The following PARD3B variants were observed in gnomAD, a reference collection of about 807,000 sequenced individuals.
PARD3B encodes par-3 family cell polarity regulator beta.
In PARD3B, 103 loss-of-function variants were observed where a neutral mutation model predicts 130.2. That is an observed-to-expected ratio of 0.79 (90% confidence interval 0.67 to 0.93). The LOEUF (loss-of-function observed/expected upper bound fraction) is 0.93. Ranked by LOEUF, PARD3B falls within the 40% of genes least tolerant of loss-of-function variation. The pLI, the probability that PARD3B is intolerant of heterozygous loss-of-function variation, is 0.00. For synonymous variants in PARD3B, 583 were observed against 553.2 expected (o/e 1.05, Z -0.76); for missense variants, 1,609 against 1,499.2 (o/e 1.07, Z -1.21).
intron 10 of PARD3B, among the ~76,000 whole-genome samples, chr2:205,156,404 A>G (rs951736549): frequency 5.1e-4 from 77 of 152,050 alleles, no homozygotes; most frequent in Non-Finnish European, 1.0e-3. Flanking sequence ...CTAAAACTTA[A>G]AGTATAATAA....
chr2:204,703,868 C>T (rs940935002), intron 2 of PARD3B, among the ~76,000 whole-genome samples: 1 of 152,016 alleles, frequency 6.6e-6, no homozygotes, highest in Non-Finnish European at 1.5e-5. Flanking sequence ...ATGTAGGGCA[C>T]ATTTCTATAA....
At chr2:205,069,540 T>G (rs1334491416) in intron 4 of PARD3B, among the ~76,000 whole-genome samples, 1 of 152,168 alleles carries the variant, frequency 6.6e-6, no homozygotes, top group Admixed American at 6.5e-5. Flanking sequence ...ACTTGTATTC[T>G]TTGCTCATTA....
intron 1 of PARD3B, among the ~76,000 whole-genome samples, chr2:204,672,325 C>T (rs978728529): frequency 6.6e-6 from 1 of 152,154 alleles, no homozygotes; most frequent in African/African-American, 2.4e-5. Context: ...ACAGGCTTTT[C>T]ATATGTCAAC....
chr2:204,865,687 C>A (rs2045382572), intron 2 of PARD3B, among the ~76,000 whole-genome samples: 1 of 152,104 alleles, frequency 6.6e-6, no homozygotes, highest in South Asian at 2.1e-4. Flanking sequence ...GTACAGTGTA[C>A]ACTGCTCAGG....
chr2:204,878,586 A>G (rs950173197), intron 2 of PARD3B, among the ~76,000 whole-genome samples: 17 of 152,208 alleles, frequency 1.1e-4, no homozygotes, highest in African/African-American at 4.1e-4. Flanking sequence ...TTAGTAACAT[A>G]TATATGCCCC....
chr2:205,079,939 C>T (rs536232958), intron 4 of PARD3B, among the ~76,000 whole-genome samples: 87 of 152,212 alleles, frequency 5.7e-4, no homozygotes, highest in Non-Finnish European at 1.0e-3. Flanking sequence ...AACCATTTTC[C>T]AGTAAGTTCA....
intron 2 of PARD3B, among the ~76,000 whole-genome samples, chr2:204,727,446 A>G (rs1267221479): frequency 1.3e-5 from 2 of 152,210 alleles, no homozygotes; most frequent in African/African-American, 2.4e-5. Flanking sequence ...TGGTTTTTCT[A>G]TAATTTTACC....
intron 1 of PARD3B, among the ~76,000 whole-genome samples, chr2:204,621,203 C>T (rs191973057): frequency 4.6e-5 from 7 of 152,144 alleles, no homozygotes; most frequent in Admixed American, 2.0e-4. Flanking sequence ...GCTAAAAAAA[C>T]TGAAAGCTGT....
Position 205,408,130 on chromosome 2 carries a change from T to C in PARD3B, c.2741+7007T>C, listed in dbSNP as rs187781944. Among the ~76,000 whole-genome samples, 403 of 152,326 alleles carry C rather than the reference T, an allele frequency of 2.6e-3. 1 individual carries two copies. Among genetic ancestry groups the C allele is most frequent in the Middle Eastern group, 0.01 (3 of 294 alleles). On this transcript the variant is annotated intron_variant, in intron 19 of 22. Coordinates refer to ENST00000406610, the MANE Select transcript of PARD3B (RefSeq NM_001302769.2). ...GTGTCTGAATTCAAGGTTCTTAGTT[T>C]TCTTTCCTTTTGGGAAGCCTTCCAA...
chr2:205,164,867 A>G (rs2034714762), intron 11 of PARD3B, among the ~76,000 whole-genome samples: 1 of 145,698 alleles, frequency 6.9e-6, no homozygotes, highest in Non-Finnish European at 1.5e-5. Context: ...AGTCACTAGG[A>G]AAATGGACAC....
At chr2:205,135,431 G>C (rs533772903) in intron 10 of PARD3B, among the ~76,000 whole-genome samples, 1 of 152,282 alleles carries the variant, frequency 6.6e-6, no homozygotes, top group East Asian at 1.9e-4. Context: ...TGTTATCAAA[G>C]TAAATACCAC....
intron 10 of PARD3B, among the ~76,000 whole-genome samples, chr2:205,136,200 A>G (rs1241571132): frequency 6.6e-6 from 1 of 151,934 alleles, no homozygotes; most frequent in East Asian, 1.9e-4. Flanking sequence ...TGTTGTTTCA[A>G]TTTTCTTATA....
chr2:205,383,694 T>C (rs760351588), intron 18 of PARD3B, among the ~76,000 whole-genome samples: 3 of 152,098 alleles, frequency 2.0e-5, no homozygotes, highest in Non-Finnish European at 2.9e-5. Flanking sequence ...ACAGTCATGA[T>C]ACAGAATAGT....
chr2:205,048,408 C>A (rs1349408810), intron 4 of PARD3B: 2 of 152,210 alleles, frequency 1.3e-5, no homozygotes. Flanking sequence ...ACTGTGGGAT[C>A]TTCCTGCTAA....
intron 3 of PARD3B, among the ~76,000 whole-genome samples, chr2:204,994,221 C>G (rs1693954202): frequency 7.6e-6 from 1 of 131,422 alleles, no homozygotes; most frequent in Admixed American, 7.8e-5. Context: ...GCATTTAGTG[C>G]TATAAATTTC....
At chr2:204,607,732 C>G (rs1375946472) in intron 1 of PARD3B, among the ~76,000 whole-genome samples, 2 of 152,128 alleles carry the variant, frequency 1.3e-5, no homozygotes, top group Non-Finnish European at 2.9e-5. Flanking sequence ...GCCCAGAGAA[C>G]TGGAGTTAAG....
At chr2:205,215,277 TC>T (rs1005606228) in intron 15 of PARD3B, among the ~76,000 whole-genome samples, 1 of 151,756 alleles carries the variant, frequency 6.6e-6, no homozygotes, top group Non-Finnish European at 1.5e-5. Flanking sequence ...ATTACATTGT[TC>T]TTTTTTTTTT....
chr2:205,314,671 A>C (rs1026229417), intron 18 of PARD3B, among the ~76,000 whole-genome samples: 1 of 152,232 alleles, frequency 6.6e-6, no homozygotes, highest in South Asian at 2.1e-4. Flanking sequence ...TTGCACATTG[A>C]GGACTATTAT....
At chr2:204,575,666 G>A (rs1233827120) in intron 1 of PARD3B, among the ~76,000 whole-genome samples, 1 of 152,196 alleles carries the variant, frequency 6.6e-6, no homozygotes, top group Non-Finnish European at 1.5e-5. Context: ...GCTCTCTCTG[G>A]CTGTGGGGCT....
Sources: gnomAD v4.1 joint callset for allele counts (sites outside exome capture counted in the v4.1 genomes callset) on GRCh38, gnomAD v4.1.1 for gene constraint, MANE v1.5 for transcripts, NCBI Gene and HGNC (gene_info 2026-07-23, HGNC 2026-07-21) for gene names.